The following ESRRG variants were observed in gnomAD, a reference collection of about 807,000 sequenced individuals.
ESRRG encodes the protein estrogen-related receptor gamma.
In ESRRG, 13 loss-of-function variants were observed where a neutral mutation model predicts 44.0. The observed-to-expected ratio is 0.30, with a 90% CI of 0.19 to 0.47. The LOEUF is 0.47. ESRRG is among the 20% of genes least tolerant of loss of function. The pLI is 1.00. For synonymous variants in ESRRG, 215 were observed against 214.6 expected, an observed-to-expected ratio of 1.00 and a Z score of -0.02; for missense variants, 395 against 580.6, an observed-to-expected ratio of 0.68 and a Z score of 3.29.
At chr1:217,124,995 C>T (rs1213260890) in intron 1 of ESRRG, among the ~76,000 whole-genome samples, 18 of 152,132 alleles carry the variant, frequency 1.2e-4, no homozygotes, top group Admixed American at 1.2e-3. Flanking sequence ...TAACCATCAC[C>T]CAGCTGAAGA....
At chr1:216,564,440 C>T (rs2059324112) in intron 4 of ESRRG, 60 bp from the exon 5 acceptor site, 1 of 1,339,864 alleles carries the variant, frequency 7.5e-7, no homozygotes, top group Non-Finnish European at 1.0e-6. Context: ...CTTTTATAAA[C>T]CCTAGAGCAT....
chr1:216,969,884 C>A (rs1000594754), intron 1 of ESRRG, among the ~76,000 whole-genome samples: 1 of 152,114 alleles, frequency 6.6e-6, no homozygotes, highest in Non-Finnish European at 1.5e-5. Context: ...CGGTGCCCAG[C>A]TGAAATTTTC....
upstream of ESRRG, among the ~76,000 whole-genome samples, chr1:217,092,966 T>C (rs947943963): frequency 6.6e-6 from 1 of 151,330 alleles, no homozygotes; most frequent in East Asian, 1.9e-4. Context: ...CATTCTATGA[T>C]AAGGTAGAAC....
intron 2 of ESRRG, among the ~76,000 whole-genome samples, chr1:216,736,074 G>GC (rs1336559295): frequency 9.1e-6 from 1 of 109,768 alleles, no homozygotes; most frequent in Non-Finnish European, 2.0e-5. Flanking sequence ...GATGAGAACA[G>GC]GGGGGGAGTT....
intron 2 of ESRRG, among the ~76,000 whole-genome samples, chr1:216,930,419 C>A (rs2063181734): frequency 6.6e-6 from 1 of 152,140 alleles, no homozygotes; most frequent in South Asian, 2.1e-4. Flanking sequence ...TTACTCTCTC[C>A]TCAAGCTTCA....
At chr1:216,680,683 C>T (rs991313824) in intron 1 of ESRRG, among the ~76,000 whole-genome samples, 15 of 152,232 alleles carry the variant, frequency 9.9e-5, no homozygotes, top group Non-Finnish European at 2.2e-4. Context: ...GCTCATTACA[C>T]TGAACACTTC....
At chr1:216,839,285 T>G (rs904633375) in intron 2 of ESRRG, among the ~76,000 whole-genome samples, 7 of 152,204 alleles carry the variant, frequency 4.6e-5, no homozygotes, top group Non-Finnish European at 7.3e-5. Flanking sequence ...GCCATTCAGT[T>G]GCATCTTCAG....
At chr1:216,761,051 A>T (rs989719996) in intron 2 of ESRRG, among the ~76,000 whole-genome samples, 1 of 151,794 alleles carries the variant, frequency 6.6e-6, no homozygotes, top group Non-Finnish European at 1.5e-5. Context: ...TCCAAAGTCC[A>T]CCTCAACCTC....
chr1:216,999,310 T>C (rs1169000714), intron 1 of ESRRG, among the ~76,000 whole-genome samples: 1 of 152,230 alleles, frequency 6.6e-6, no homozygotes, highest in Non-Finnish European at 1.5e-5. Flanking sequence ...AAAGATATTG[T>C]TGTTATGGGT....
At chr1:216,841,689 C>T (rs537991640) in intron 2 of ESRRG, among the ~76,000 whole-genome samples, 1 of 152,248 alleles carries the variant, frequency 6.6e-6, no homozygotes, top group African/African-American at 2.4e-5. Flanking sequence ...ACCTCCCCTT[C>T]AGCCTGCAGG....
intron 1 of ESRRG, among the ~76,000 whole-genome samples, chr1:217,012,252 G>A (rs1579466782): frequency 6.6e-6 from 1 of 152,036 alleles, no homozygotes; most frequent in African/African-American, 2.4e-5. Context: ...ACAGCACTTA[G>A]GACTTTTTCC....
At chr1:216,855,727 A>T (rs1408088037) in intron 2 of ESRRG, among the ~76,000 whole-genome samples, 1 of 152,000 alleles carries the variant, frequency 6.6e-6, no homozygotes, top group Non-Finnish European at 1.5e-5. Flanking sequence ...GCAAGGCAAA[A>T]CACCTGGGAA....
intron 2 of ESRRG, among the ~76,000 whole-genome samples, chr1:216,920,283 T>C (rs1224817307): frequency 1.3e-5 from 2 of 152,148 alleles, no homozygotes; most frequent in Non-Finnish European, 2.9e-5. Flanking sequence ...AATAATGATT[T>C]AAATCATTCA....
At chr1:217,081,903 A>G (rs2091795347) in intron 1 of ESRRG, among the ~76,000 whole-genome samples, 1 of 152,262 alleles carries the variant, frequency 6.6e-6, no homozygotes, top group Non-Finnish European at 1.5e-5. Context: ...AAAAGTGCCA[A>G]TGACAGGCGA....
At chr1:216,666,180 C>T (rs2073876451) in intron 2 of ESRRG, among the ~76,000 whole-genome samples, 1 of 152,132 alleles carries the variant, frequency 6.6e-6, no homozygotes, top group Non-Finnish European at 1.5e-5. Flanking sequence ...CATATTCCCC[C>T]ACAACTAGTT....
rs566764961 is a variant in ESRRG at position 216,554,243 on chromosome 1, C to G, written c.862+9976G>C. 1.2e-4 allele frequency among the ~76,000 whole-genome samples: 18 copies of G among 152,098 alleles called. 1 individual carries two copies. In the South Asian group the frequency reaches 3.1e-3, roughly 26 times the overall value. Reference sequence around the variant, plus strand: ...CTGGGGTGGGTGGATCATCTGAAGTCAGGAGTTTGAGACCAGCCTGGCCAA... The same window carrying G: ...CTGGGGTGGGTGGATCATCTGAAGTGAGGAGTTTGAGACCAGCCTGGCCAA... On this transcript the variant is annotated intron_variant, in intron 5 of 6. Transcript: ENST00000408911.
chr1:217,063,855 T>C (rs562075532), intron 1 of ESRRG, among the ~76,000 whole-genome samples: 31 of 152,112 alleles, frequency 2.0e-4, no homozygotes, highest in African/African-American at 7.5e-4. Flanking sequence ...TGATTCAAAC[T>C]TTGTGGTTCT....
chr1:216,990,258 G>A (rs1290735788), intron 1 of ESRRG, among the ~76,000 whole-genome samples: 1 of 152,088 alleles, frequency 6.6e-6, no homozygotes, highest in Non-Finnish European at 1.5e-5. Flanking sequence ...AAAAATGGAT[G>A]TTTTCCAAAC....
At chr1:216,680,815 A>G (rs2076913464) in intron 1 of ESRRG, among the ~76,000 whole-genome samples, 1 of 152,202 alleles carries the variant, frequency 6.6e-6, no homozygotes, top group African/African-American at 2.4e-5. Flanking sequence ...TATAAATTCA[A>G]TTGTCAGCTG....
Sources: gnomAD v4.1 joint callset for allele counts (sites outside exome capture counted in the v4.1 genomes callset) on GRCh38, gnomAD v4.1.1 for gene constraint, MANE v1.5 for transcripts, NCBI Gene and HGNC (gene_info 2026-07-23, HGNC 2026-07-21) for gene names.